CPEB1: variants seen among roughly 807,000 people sequenced by gnomAD.
The protein encoded by CPEB1 is cytoplasmic polyadenylation element binding protein 1.
CPEB1 carries 7 observed loss-of-function variants against 65.8 expected under a neutral mutation model. That is an observed-to-expected ratio of 0.11 (90% CI 0.06 to 0.20). The LOEUF (loss-of-function observed/expected upper bound fraction) is 0.20, where lower values mean the gene tolerates loss of function less well. Ranked by LOEUF, CPEB1 falls within the 10% of genes least tolerant of loss-of-function variation. The pLI, the probability that CPEB1 is intolerant of heterozygous loss-of-function variation, is 1.00. For synonymous variants in CPEB1, 262 were observed against 260.0 expected (o/e 1.01, Z -0.08); for missense variants, 551 against 712.2 (o/e 0.77, Z 2.58).
chr15:82,553,953 G>A lies in CPEB1; in HGVS notation c.979C>T (p.Pro327Ser). ...ATGGGGTTCTTATAGTTCCGGGGAG[G>A]AAGCTGGCCACTCCAGGTACAGGTG... ...EATCTWSGQL[P>S]PRNYKNPIYS... Residue 327 changes from proline (P) to serine (S), a missense_variant, in exon 7 of 13, where the codon CCT becomes TCT. Physicochemically the swap from Pro to Ser is moderately conservative, Grantham distance 74. Coordinates refer to ENST00000684509, the MANE Select transcript of CPEB1 (RefSeq NM_001365242.1). 6.2e-7 allele frequency: 1 copy of A among 1,611,840 alleles called. No homozygotes were observed. Among genetic ancestry groups the A allele is most frequent in the Non-Finnish European group, 8.5e-7 (1 of 1,179,186 alleles).
At chr15:82,612,927 C>CAA (rs1346052965) in intron 3 of CPEB1, among the ~76,000 whole-genome samples, 1 of 151,884 alleles carries the variant, frequency 6.6e-6, no homozygotes, top group East Asian at 1.9e-4. Flanking sequence ...AAAACAAAAA[C>CAA]AAACAAAAAC....
At chr15:82,573,596 T>C (rs2151064856) in intron 3 of CPEB1, among the ~76,000 whole-genome samples, 1 of 152,236 alleles carries the variant, frequency 6.6e-6, no homozygotes, top group South Asian at 2.1e-4. Flanking sequence ...GAAGCAGCCA[T>C]TTTCTACCCA....
intron 1 of CPEB1, chr15:82,629,283 T>C (rs1286218204): frequency 2.2e-5 from 22 of 985,194 alleles, no homozygotes; most frequent in Non-Finnish European, 2.5e-5. Flanking sequence ...CTAATTTGTA[T>C]CTGCAAACAC....
intron 1 of CPEB1, among the ~76,000 whole-genome samples, chr15:82,632,023 C>T (rs2046295212): frequency 6.9e-6 from 1 of 145,624 alleles, no homozygotes. Context: ...GTTCTGTCGC[C>T]CAGGCTGGAG....
chr15:82,581,730 T>A (rs746686515), intron 3 of CPEB1, among the ~76,000 whole-genome samples: 15 of 152,188 alleles, frequency 9.9e-5, no homozygotes, highest in Non-Finnish European at 1.9e-4. Flanking sequence ...AATTCATGAA[T>A]CCCCAATGTT....
intron 3 of CPEB1, among the ~76,000 whole-genome samples, chr15:82,602,404 C>T (rs2043191798): frequency 6.6e-6 from 1 of 152,046 alleles, no homozygotes; most frequent in South Asian, 2.1e-4. Context: ...AAACCATGGG[C>T]CAAGAATGGT....
At chr15:82,625,788 C>T (rs2045711684) in intron 3 of CPEB1, among the ~76,000 whole-genome samples, 1 of 152,068 alleles carries the variant, frequency 6.6e-6, no homozygotes, top group African/African-American at 2.4e-5. Flanking sequence ...TTTCAAGGAC[C>T]ATTTTTAAAA....
chr15:82,640,783 G>A (rs1315317729), intron 1 of CPEB1: 1 of 151,930 alleles, frequency 6.6e-6, no homozygotes, highest in Non-Finnish European at 1.5e-5. Flanking sequence ...GGAACACATG[G>A]GTCTCCTGTA....
intron 3 of CPEB1, among the ~76,000 whole-genome samples, chr15:82,584,903 C>CT (rs3080692): frequency 0.31 from 25,017 of 81,458 alleles, 5,249 homozygotes; most frequent in East Asian, 0.6. Context: ...TCCTAATTTG[C>CT]TTTTTTTTTT....
At chr15:82,550,565 G>C (rs1444004536) in intron 9 of CPEB1, among the ~76,000 whole-genome samples, 1 of 152,202 alleles carries the variant, frequency 6.6e-6, no homozygotes. Flanking sequence ...CTTGGGATGA[G>C]AGGACCTGGC....
At chr15:82,548,772 G>A (rs1055106946) in intron 10 of CPEB1, 1 of 453,784 alleles carries the variant, frequency 2.2e-6, no homozygotes, top group Admixed American at 2.4e-5. Flanking sequence ...CACAGTATTG[G>A]TGAGTACATG....
chr15:82,597,152 C>T (rs1426301499), intron 3 of CPEB1, among the ~76,000 whole-genome samples: 2 of 152,048 alleles, frequency 1.3e-5, no homozygotes, highest in African/African-American at 4.8e-5. Flanking sequence ...CAGGGAGACC[C>T]TATCTCTACA....
intron 3 of CPEB1, among the ~76,000 whole-genome samples, chr15:82,595,588 C>T (rs1362753624): frequency 6.6e-6 from 1 of 152,136 alleles, no homozygotes; most frequent in East Asian, 1.9e-4. Flanking sequence ...TATGAGTTCA[C>T]AATGATACTA....
chr15:82,568,725 T>C (rs961153930), intron 4 of CPEB1, among the ~76,000 whole-genome samples: 3 of 152,188 alleles, frequency 2.0e-5, no homozygotes, highest in Non-Finnish European at 2.9e-5. Flanking sequence ...GCCCCTATCA[T>C]AGCAGATGCA....
chr15:82,603,048 T>C (rs2043255440), intron 3 of CPEB1, among the ~76,000 whole-genome samples: 1 of 152,106 alleles, frequency 6.6e-6, no homozygotes, highest in African/African-American at 2.4e-5. Context: ...GTTTAAAAAA[T>C]AAAAACAAGA....
rs114753246 is a variant in CPEB1 at position 82,572,517 on chromosome 15, A to G, written c.272-985T>C. On this transcript the variant is annotated intron_variant, in intron 3 of 12. Transcript: ENST00000684509. Reference sequence around the variant, plus strand: ...CCCTGTGCCCAGGTTCCCTCATCCCAACAAGATGGGTATTAGTCATGAACA... The same window carrying G: ...CCCTGTGCCCAGGTTCCCTCATCCCGACAAGATGGGTATTAGTCATGAACA... Among the ~76,000 whole-genome samples the G allele has an allele frequency of 2.4e-3, 358 of 152,220 alleles. 3 individuals carry two copies. Among genetic ancestry groups the G allele is most frequent in the African/African-American group, 8.2e-3 (342 of 41,548 alleles).
chr15:82,634,201 T>C (rs1237490912), intron 1 of CPEB1, among the ~76,000 whole-genome samples: 1 of 149,454 alleles, frequency 6.7e-6, no homozygotes, highest in Non-Finnish European at 1.5e-5. Flanking sequence ...TTTTTTTCCA[T>C]CTATGGTTCA....
rs759706108 is a variant in CPEB1, at chr15:82,547,244, C to T, written c.1481-7G>A. 2.8e-6 allele frequency: 4 copies of T among 1,432,938 alleles called. No homozygotes were observed. The highest frequency in any genetic ancestry group is 3.9e-6 in the Non-Finnish European group (4 of 1,023,698). 88.8% of individuals were successfully genotyped at this position (1,432,938 alleles called of 1,614,324 possible). A position where few individuals can be genotyped will look rare whatever the true frequency, so the allele number is the denominator to read the frequency against. ...AAAGTCACACGACCAGAACCTAGGACAACAGACACAAGCTTCCCTTCTAAC... is the reference window on the plus strand; with the variant it reads ...AAAGTCACACGACCAGAACCTAGGATAACAGACACAAGCTTCCCTTCTAAC... On this transcript the variant is annotated splice_region_variant and splice_polypyrimidine_tract_variant and intron_variant, in intron 10 of 12. Coordinates refer to ENST00000684509, the MANE Select transcript of CPEB1 (RefSeq NM_001365242.1).
At chr15:82,626,294 T>C (rs901938480) in intron 3 of CPEB1, among the ~76,000 whole-genome samples, 2 of 150,474 alleles carry the variant, frequency 1.3e-5, no homozygotes, top group African/African-American at 4.9e-5. Context: ...ATTAGCTGGG[T>C]GTGGTGGCGC....
Sources: gnomAD v4.1 joint callset for allele counts (sites outside exome capture counted in the v4.1 genomes callset) on GRCh38, gnomAD v4.1.1 for gene constraint, MANE v1.5 for transcripts, NCBI Gene and HGNC (gene_info 2026-07-23, HGNC 2026-07-21) for gene names.